Variants in EPHA5 observed in about 807,000 individuals in gnomAD.
EPHA5 encodes ephrin type-A receptor 5.
In EPHA5, 60 loss-of-function variants were observed where a neutral mutation model predicts 105.0. The ratio of observed to expected loss-of-function variants is 0.57; its 90% CI spans 0.46 to 0.71. The LOEUF is 0.71. Among genes scored for constraint, EPHA5 ranks in the 30% least tolerant of loss-of-function variants. The pLI, the probability that EPHA5 is intolerant of heterozygous loss-of-function variation, is 0.00. For synonymous variants in EPHA5, 513 were observed against 449.1 expected, an observed-to-expected ratio of 1.14 and a Z score of -1.80; for missense variants, 1,218 against 1,274.7, an observed-to-expected ratio of 0.96 and a Z score of 0.68.
chr4:65,372,082 T>C (rs1484599848), intron 8 of EPHA5, among the ~76,000 whole-genome samples: 1 of 151,990 alleles, frequency 6.6e-6, no homozygotes, highest in South Asian at 2.1e-4. Context: ...AAGCCACATT[T>C]CTTCACATAT....
intron 2 of EPHA5, among the ~76,000 whole-genome samples, chr4:65,620,962 T>C (rs895049160): frequency 6.6e-6 from 1 of 152,124 alleles, no homozygotes; most frequent in Admixed American, 6.5e-5. Flanking sequence ...ACATTCAGAG[T>C]TGCATGCTTC....
chr4:65,654,975 A>T, intron 1 of EPHA5, among the ~76,000 whole-genome samples: 1 of 150,048 alleles, frequency 6.7e-6, no homozygotes, highest in Non-Finnish European at 1.5e-5. Flanking sequence ...CTTGAGGATC[A>T]GTTTTTTCAA....
chr4:65,432,671 G>C (rs1346475459), intron 5 of EPHA5, among the ~76,000 whole-genome samples: 1 of 151,968 alleles, frequency 6.6e-6, no homozygotes, highest in Non-Finnish European at 1.5e-5. Context: ...GGTTTCAAGA[G>C]ATCTTCCCGC....
At chr4:65,327,438 C>T (rs1364390037) in intron 16 of EPHA5, among the ~76,000 whole-genome samples, 1 of 151,130 alleles carries the variant, frequency 6.6e-6, no homozygotes, top group African/African-American at 2.4e-5. Flanking sequence ...ACCCATCTCC[C>T]CAGCGGAGAA....
At chr4:65,617,554 T>G (rs1182163492) in intron 2 of EPHA5, among the ~76,000 whole-genome samples, 1 of 152,140 alleles carries the variant, frequency 6.6e-6, no homozygotes, top group African/African-American at 2.4e-5. Flanking sequence ...GAATAACAAT[T>G]ACTTATCCCT....
intron 5 of EPHA5, among the ~76,000 whole-genome samples, chr4:65,446,683 T>C (rs34946465): frequency 0.23 from 35,694 of 152,106 alleles, 5,265 homozygotes; most frequent in Middle Eastern, 0.39. Flanking sequence ...TGCTCATGTA[T>C]GCACATGGGG....
intron 5 of EPHA5, among the ~76,000 whole-genome samples, chr4:65,463,080 G>T (rs60935429): frequency 0.055 from 8,439 of 152,196 alleles, 783 homozygotes; most frequent in African/African-American, 0.19. Flanking sequence ...GTAGTACACT[G>T]ACATAAGTAT....
chr4:65,522,892 A>AAATC (rs889544827), intron 3 of EPHA5, among the ~76,000 whole-genome samples: 2 of 151,992 alleles, frequency 1.3e-5, no homozygotes, highest in African/African-American at 4.8e-5. Flanking sequence ...GTTTTATTTT[A>AAATC]AATCACTCAC....
chr4:65,500,206 G>T (rs1299742865), intron 3 of EPHA5, among the ~76,000 whole-genome samples: 1 of 151,334 alleles, frequency 6.6e-6, no homozygotes, highest in African/African-American at 2.4e-5. Context: ...TGTTTCATAT[G>T]ATGTCTGTAC....
intron 5 of EPHA5, among the ~76,000 whole-genome samples, chr4:65,477,746 C>A (rs963749086): frequency 6.6e-6 from 1 of 151,964 alleles, no homozygotes; most frequent in African/African-American, 2.4e-5. Context: ...TTCCTTCATC[C>A]CAAAAATGGG....
chr4:65,383,868 T>C (rs1023172720), intron 8 of EPHA5, among the ~76,000 whole-genome samples: 2 of 151,874 alleles, frequency 1.3e-5, no homozygotes, highest in African/African-American at 4.8e-5. Flanking sequence ...AAAATATATA[T>C]GATATGAATC....
chr4:65,622,752 T>C (rs1379497238), intron 2 of EPHA5, among the ~76,000 whole-genome samples: 1 of 152,062 alleles, frequency 6.6e-6, no homozygotes, highest in Non-Finnish European at 1.5e-5. Flanking sequence ...AACTCCTGTA[T>C]AAATTCTAGG....
chr4:65,547,553 A>G (rs1737502167), intron 3 of EPHA5, among the ~76,000 whole-genome samples: 1 of 151,990 alleles, frequency 6.6e-6, no homozygotes, highest in African/African-American at 2.4e-5. Flanking sequence ...GGTATCTTTC[A>G]TATAAGAAAA....
At chr4:65,438,561 A>C (rs1348655072) in intron 5 of EPHA5, among the ~76,000 whole-genome samples, 1 of 152,004 alleles carries the variant, frequency 6.6e-6, no homozygotes, top group Non-Finnish European at 1.5e-5. Context: ...GTGAAGAACC[A>C]AATGGAGCTG....
At chr4:65,464,230 A>T (rs1004194596) in intron 5 of EPHA5, among the ~76,000 whole-genome samples, 1 of 152,034 alleles carries the variant, frequency 6.6e-6, no homozygotes, top group Admixed American at 6.5e-5. Flanking sequence ...CTCATTATAA[A>T]TAACTAGGCT....
chr4:65,532,971 C>T (rs187068018), intron 3 of EPHA5, among the ~76,000 whole-genome samples: 144 of 152,186 alleles, frequency 9.5e-4, no homozygotes, highest in African/African-American at 3.4e-3. Context: ...CACAGTCATG[C>T]TTCCATCCCC....
intron 3 of EPHA5, among the ~76,000 whole-genome samples, chr4:65,514,538 C>T (rs1290289899): frequency 6.6e-6 from 1 of 152,138 alleles, no homozygotes; most frequent in East Asian, 1.9e-4. Flanking sequence ...GAGAGTATTC[C>T]AGCCCCTAGA....
intron 5 of EPHA5, among the ~76,000 whole-genome samples, chr4:65,427,998 A>G (rs1463631823): frequency 6.6e-6 from 1 of 152,116 alleles, no homozygotes; most frequent in Non-Finnish European, 1.5e-5. Flanking sequence ...TCCATATTTT[A>G]TTTTATATAT....
At chr4:65,575,081 C>A (rs899461599) in intron 3 of EPHA5, among the ~76,000 whole-genome samples, 5 of 151,062 alleles carry the variant, frequency 3.3e-5, no homozygotes, top group African/African-American at 1.2e-4. Flanking sequence ...AAGAATAAAT[C>A]TAGGGAAACA....
Sources: allele counts gnomAD v4.1 joint callset (sites outside exome capture counted in the v4.1 genomes callset), GRCh38; gene constraint gnomAD v4.1.1; transcripts MANE v1.5; gene names NCBI Gene and HGNC (gene_info 2026-07-23, HGNC 2026-07-21).